The following TSPEAR variants were observed in gnomAD, a reference collection of about 807,000 sequenced individuals.
The protein encoded by TSPEAR is thrombospondin type laminin G domain and EAR repeats, also known as thrombospondin-type laminin G domain and EAR repeat-containing protein.
Under a neutral mutation model 71.6 loss-of-function variants are expected in TSPEAR, and 69 were observed. That is an observed-to-expected ratio of 0.96 (90% confidence interval 0.79 to 1.18). The LOEUF is 1.18. Ranked by LOEUF, TSPEAR falls within the 50% of genes most tolerant of loss-of-function variation. The pLI is 0.00. For synonymous variants in TSPEAR, 402 were observed against 387.2 expected, an observed-to-expected ratio of 1.04 and a Z score of -0.45; for missense variants, 971 against 894.9, an observed-to-expected ratio of 1.09 and a Z score of -1.09.
At chr21:44,673,754 T>C (rs1986168177) in intron 1 of TSPEAR, among the ~76,000 whole-genome samples, 1 of 151,960 alleles carries the variant, frequency 6.6e-6, no homozygotes, top group Admixed American at 6.5e-5. Flanking sequence ...CAAAATAATA[T>C]CAAGTATCTT....
intron 2 of TSPEAR, among the ~76,000 whole-genome samples, chr21:44,542,337 A>G (rs781967938): frequency 1.1e-4 from 16 of 152,238 alleles, no homozygotes; most frequent in Non-Finnish European, 2.2e-4. Flanking sequence ...GTGAAAATTT[A>G]TGGGAAAAAT....
At chr21:44,675,514 G>C (rs1601554093) in intron 1 of TSPEAR, among the ~76,000 whole-genome samples, 1 of 129,208 alleles carries the variant, frequency 7.7e-6, no homozygotes, top group East Asian at 2.2e-4. Flanking sequence ...AGAACTGAAT[G>C]AGACAAGGAT....
At chr21:44,563,218 T>C (rs1555921326) in intron 2 of TSPEAR, among the ~76,000 whole-genome samples, 1 of 152,014 alleles carries the variant, frequency 6.6e-6, no homozygotes, top group East Asian at 1.9e-4. Context: ...GATATAAATA[T>C]ATACTTGTTC....
chr21:44,677,858 C>G (rs1330267289), intron 1 of TSPEAR: 2 of 1,334,032 alleles, frequency 1.5e-6, no homozygotes, highest in East Asian at 4.6e-5. Flanking sequence ...GTATGGTTTT[C>G]TCTACTCTTT....
chr21:44,556,103 C>T (rs782196541), intron 2 of TSPEAR, among the ~76,000 whole-genome samples: 9 of 152,218 alleles, frequency 5.9e-5, no homozygotes, highest in Non-Finnish European at 1.2e-4. Flanking sequence ...TCGTGCCGGG[C>T]ACGGTGGCTC....
rs1555910752 is a variant in TSPEAR at position 44,498,454 on chromosome 21, C to T, written c.*1329G>A. On this transcript the variant is annotated 3_prime_UTR_variant, in exon 12 of 12. Coordinates refer to ENST00000323084, the MANE Select transcript of TSPEAR (RefSeq NM_144991.3). The stretch of plus-strand genomic sequence containing the variant: ...GGCGACTGCCCCCAGAGGGGAGTGG[C>T]TCTCCACTGGCCACAGCGATGGCTG... 6.6e-6 allele frequency: 1 copy of T among 152,198 alleles called. No homozygotes were observed. The highest frequency in any genetic ancestry group is 1.5e-5 in the Non-Finnish European group (1 of 68,058). 9.4% of individuals were successfully genotyped at this position (152,198 alleles called of 1,614,324 possible). A position where few individuals can be genotyped will look rare whatever the true frequency, so the allele number is the denominator to read the frequency against.
intron 2 of TSPEAR, 84 bp downstream of exon 2, chr21:44,567,701 T>A: frequency 8.2e-7 from 1 of 1,223,526 alleles, no homozygotes; most frequent in Non-Finnish European, 1.1e-6. Context: ...ATGCCGCCCC[T>A]CAACCTGTGC....
At chr21:44,669,210 G>A (rs1450737707) in intron 1 of TSPEAR, among the ~76,000 whole-genome samples, 2 of 152,150 alleles carry the variant, frequency 1.3e-5, no homozygotes, top group Non-Finnish European at 2.9e-5. Context: ...GGATCATGAG[G>A]TCAAGAGATC....
chr21:44,601,139 G>A (rs1187955755), intron 1 of TSPEAR: 2 of 1,599,430 alleles, frequency 1.3e-6, no homozygotes, highest in South Asian at 2.2e-5. Context: ...TCTTCGTGCT[G>A]CCAGCAGTCT....
At chr21:44,518,281 T>C (rs1443654718) in intron 9 of TSPEAR, 2 of 469,218 alleles carry the variant, frequency 4.3e-6, no homozygotes, top group Non-Finnish European at 8.8e-6. Context: ...TTGTCAAACA[T>C]CCGGGGACCC....
chr21:44,612,186 G>A lies in TSPEAR; in HGVS notation c.83-44181C>T, dbSNP rs201632967. ...TCCAGTGACGTGGGCCATGTCAGCCGAGTCTCCTCCCCCAGCACCTGCACT... is the reference window on the plus strand; with the variant it reads ...TCCAGTGACGTGGGCCATGTCAGCCAAGTCTCCTCCCCCAGCACCTGCACT... On this transcript the variant is annotated intron_variant, in intron 1 of 11. Coordinates refer to ENST00000323084, the MANE Select transcript of TSPEAR (RefSeq NM_144991.3). This position sits in a 1 kb window ranked among gnomAD's most constrained non-coding sequence, Gnocchi z 4.1. 3.8e-5 allele frequency: 61 copies of A among 1,613,852 alleles called. No homozygotes were observed. The highest frequency in any genetic ancestry group is 1.5e-4 in the Admixed American group (9 of 60,002).
intron 1 of TSPEAR, among the ~76,000 whole-genome samples, chr21:44,643,615 C>T (rs1179565008): frequency 1.3e-5 from 2 of 152,106 alleles, no homozygotes; most frequent in African/African-American, 4.8e-5. Flanking sequence ...TATCTTAGAT[C>T]ACTCAAGTTA....
chr21:44,693,818 C>T (rs1987216684), intron 1 of TSPEAR, among the ~76,000 whole-genome samples: 1 of 151,766 alleles, frequency 6.6e-6, no homozygotes, highest in African/African-American at 2.4e-5. Flanking sequence ...TAAGGAGCAC[C>T]CAAAAGAACT....
chr21:44,682,471 C>T (rs1986653226), intron 1 of TSPEAR, among the ~76,000 whole-genome samples: 1 of 152,190 alleles, frequency 6.6e-6, no homozygotes, highest in Admixed American at 6.5e-5. Flanking sequence ...ATGAGTGGTA[C>T]CCAAAAGAGC....
chr21:44,503,670 C>T (rs1967508076), intron 11 of TSPEAR, among the ~76,000 whole-genome samples: 2 of 125,854 alleles, frequency 1.6e-5, no homozygotes, highest in African/African-American at 3.2e-5. Context: ...GGTGAGCCCA[C>T]AGCGGGGAAG....
Position 44,711,427 on chromosome 21 carries a change from C to A in TSPEAR, c.82+6G>T, listed in dbSNP as rs782634897. ...CCCCGCCCGAGTTCCCATGCCCCTG[C>A]CTTACCTGTGCAGGGCTCCCAACCC... On this transcript the variant is annotated splice_donor_region_variant and intron_variant, in intron 1 of 11. Transcript: ENST00000323084. The surrounding 1 kb of genome is among the most constrained non-coding windows in gnomAD (Gnocchi z 4.5). 1.9e-6 allele frequency: 3 copies of A among 1,594,742 alleles called. No individual in the cohort carries two copies. The highest frequency in any genetic ancestry group is 2.3e-5 in the South Asian group (2 of 88,132).
In TSPEAR at chr21:44,546,623, C is replaced by T. The variant is rs186075734; in HGVS notation, c.304-12700G>A. On this transcript the variant is annotated intron_variant, in intron 2 of 11. Transcript: ENST00000323084. This position sits in a 1 kb window ranked among gnomAD's most constrained non-coding sequence, Gnocchi z 4.4. ...GATTACAGGCATGAGCCACTGCGCCCGGCCCCTCTTTCATTTTTGAAGGAT... is the reference window on the plus strand; with the variant it reads ...GATTACAGGCATGAGCCACTGCGCCTGGCCCCTCTTTCATTTTTGAAGGAT... 1.4e-3 allele frequency among the ~76,000 whole-genome samples: 218 copies of T among 152,332 alleles called. No individual in the cohort carries two copies. The highest frequency in any genetic ancestry group is 4.8e-3 in the African/African-American group (199 of 41,566).
rs782270765 is a variant in TSPEAR at position 44,600,599 on chromosome 21, T to C, written c.83-32594A>G. ...TCACTCACTCACCCACTCACTCCCA[T>C]CTCCTCCAGTTCAATCCCCAGCATG... On this transcript the variant is annotated intron_variant, in intron 1 of 11. Coordinates refer to ENST00000323084, the MANE Select transcript of TSPEAR (RefSeq NM_144991.3). The C allele has an allele frequency of 1.9e-5, 31 of 1,602,972 alleles. No homozygotes were observed. In the South Asian group the frequency reaches 2.8e-4, roughly 15 times the overall value.
At chr21:44,548,618 A>G (rs1415302060) in intron 2 of TSPEAR, among the ~76,000 whole-genome samples, 1 of 151,766 alleles carries the variant, frequency 6.6e-6, no homozygotes, top group Non-Finnish European at 1.5e-5. Flanking sequence ...CCGAGAGTAG[A>G]CTCCTAGAAA....
Sources: gnomAD v4.1 joint callset for allele counts (sites outside exome capture counted in the v4.1 genomes callset) on GRCh38, gnomAD v4.1.1 for gene constraint, Gnocchi (gnomAD v3.1) non-coding constraint, MANE v1.5 for transcripts, NCBI Gene and HGNC (gene_info 2026-07-23, HGNC 2026-07-21) for gene names.